C7: variants seen among roughly 807,000 people sequenced by gnomAD.
C7 encodes the protein complement C7, also known as complement component C7.
A neutral mutation model predicts 104.8 loss-of-function variants in C7; 83 were observed. That is an observed-to-expected ratio of 0.79 (90% CI 0.66 to 0.95). C7 has a LOEUF of 0.95. Ranked by LOEUF, C7 falls within the 40% of genes least tolerant of loss-of-function variation. The pLI is 0.00. For missense variants in C7, 1,070 were observed against 1,011.2 expected (o/e 1.06, Z -0.79); for synonymous variants, 415 against 360.6 (o/e 1.15, Z -1.71).
At chr5:40,956,947 T>C (rs776536160) in intron 10 of C7, among the ~76,000 whole-genome samples, 9 of 152,258 alleles carry the variant, frequency 5.9e-5, no homozygotes, top group Non-Finnish European at 1.2e-4. Context: ...TTTAACAGTC[T>C]CCATGTACTT....
At chr5:40,913,348 T>C (rs1702890710) in intron 1 of C7, among the ~76,000 whole-genome samples, 1 of 152,164 alleles carries the variant, frequency 6.6e-6, no homozygotes, top group Admixed American at 6.5e-5. Flanking sequence ...CCGATGGTAG[T>C]TCAATTTTTA....
intron 8 of C7, among the ~76,000 whole-genome samples, chr5:40,948,748 C>A (rs191880861): frequency 6.6e-6 from 1 of 152,220 alleles, no homozygotes; most frequent in Admixed American, 6.5e-5. Context: ...TGTCTTTTAG[C>A]TGATGCCCAC....
At chr5:40,929,997 G>T (rs752039025) in intron 2 of C7, among the ~76,000 whole-genome samples, 4 of 151,930 alleles carry the variant, frequency 2.6e-5, no homozygotes, top group Non-Finnish European at 5.9e-5. Flanking sequence ...ATAAAACCTT[G>T]CTCCTTTCAA....
intron 15 of C7, among the ~76,000 whole-genome samples, chr5:40,976,332 G>A (rs1237780866): frequency 2.0e-5 from 3 of 152,190 alleles, no homozygotes; most frequent in African/African-American, 7.2e-5. Context: ...TTGAAAGGGA[G>A]CCACTTTATT....
At chr5:40,965,843 A>G (rs2111687456) in intron 14 of C7, among the ~76,000 whole-genome samples, 2 of 151,700 alleles carry the variant, frequency 1.3e-5, no homozygotes, top group South Asian at 4.2e-4. Context: ...GGGTTTCACT[A>G]TGTTGGCCAG....
At chr5:40,927,999 G>A (rs1321519245) in intron 1 of C7, among the ~76,000 whole-genome samples, 1 of 152,124 alleles carries the variant, frequency 6.6e-6, no homozygotes, top group Non-Finnish European at 1.5e-5. Flanking sequence ...CCAAGTTATA[G>A]AATCAACCTA....
At chr5:40,973,264 C>A (rs769193329) in intron 15 of C7, among the ~76,000 whole-genome samples, 36 of 152,024 alleles carry the variant, frequency 2.4e-4, no homozygotes, top group Non-Finnish European at 2.9e-4. Flanking sequence ...TTGACAATAA[C>A]CCCTTATTTA....
chr5:40,978,051 T>A (rs929456476), intron 16 of C7, among the ~76,000 whole-genome samples: 8 of 151,346 alleles, frequency 5.3e-5, no homozygotes, highest in African/African-American at 1.9e-4. Flanking sequence ...GGAGGATTGC[T>A]TGAAGCCAGG....
chr5:40,951,141 C>T (rs1740160801), intron 9 of C7, among the ~76,000 whole-genome samples: 1 of 152,180 alleles, frequency 6.6e-6, no homozygotes, highest in Non-Finnish European at 1.5e-5. Context: ...AAAATGTTCA[C>T]TGGATTTGGT....
intron 9 of C7, among the ~76,000 whole-genome samples, chr5:40,954,214 TC>T (rs1488769470): frequency 2.0e-5 from 3 of 152,158 alleles, no homozygotes; most frequent in Admixed American, 2.0e-4. Context: ...TAAACTGTTT[TC>T]CTTCCAATAT....
intron 14 of C7, among the ~76,000 whole-genome samples, chr5:40,966,820 C>T (rs1740565593): frequency 6.6e-6 from 1 of 152,040 alleles, no homozygotes; most frequent in Admixed American, 6.6e-5. Context: ...GTTTCTTTAT[C>T]CACTCATTCA....
At chr5:40,945,701 TA>T (rs1379892385) in intron 7 of C7, among the ~76,000 whole-genome samples, 2 of 151,242 alleles carry the variant, frequency 1.3e-5, no homozygotes, top group South Asian at 4.2e-4. Context: ...CCTGTCTCTA[TA>T]AAAACACAAA....
chr5:40,932,227 T>A (rs1441350390), intron 3 of C7, among the ~76,000 whole-genome samples: 5 of 152,236 alleles, frequency 3.3e-5, no homozygotes, highest in Non-Finnish European at 5.9e-5. Context: ...AAATAATTTA[T>A]AACAGCAGTA....
rs562827377 is a variant in C7, at chr5:40,982,929, A to G, written c.*1356A>G. On this transcript the variant is annotated 3_prime_UTR_variant, in exon 18 of 18. Transcript: ENST00000313164. ...GATTAGAACACTCATTAAAGATGCT[A>G]TTCTTCAGAATTGTTTCATTTGTAT... is the stretch of plus-strand genomic sequence containing the variant. 6 of 152,352 alleles carry G rather than the reference A, an allele frequency of 3.9e-5. No homozygotes were observed. The highest frequency in any genetic ancestry group is 7.2e-5 in the African/African-American group (3 of 41,460). 9.4% of individuals were successfully genotyped at this position (152,352 alleles called of 1,614,324 possible).
At chr5:40,965,808 AT>A (rs926942680) in intron 14 of C7, among the ~76,000 whole-genome samples, 2 of 151,494 alleles carry the variant, frequency 1.3e-5, no homozygotes, top group African/African-American at 2.4e-5. Flanking sequence ...CACTCTGCTA[AT>A]TTTTTGTATT....
intron 10 of C7, among the ~76,000 whole-genome samples, chr5:40,957,790 A>C (rs183338968): frequency 6.9e-6 from 1 of 144,318 alleles, no homozygotes; most frequent in African/African-American, 2.7e-5. Context: ...TTTAAATCTT[A>C]CGCATGCACA....
intron 1 of C7, among the ~76,000 whole-genome samples, chr5:40,909,974 A>ATTTTT (rs1259880340): frequency 8.0e-6 from 1 of 124,660 alleles, no homozygotes; most frequent in African/African-American, 3.0e-5. Context: ...CCTCTGGTGT[A>ATTTTT]TTTTTTTTTT....
chr5:40,935,300 A>T (rs1229406142), intron 4 of C7, among the ~76,000 whole-genome samples: 1 of 152,170 alleles, frequency 6.6e-6, no homozygotes, highest in African/African-American at 2.4e-5. Flanking sequence ...CTCTTGGTGA[A>T]CTGTGAACTC....
chr5:40,932,586 G>A (rs1293322756), intron 3 of C7, among the ~76,000 whole-genome samples: 1 of 152,092 alleles, frequency 6.6e-6, no homozygotes, highest in African/African-American at 2.4e-5. Context: ...ACCTACATGA[G>A]TAGTATTTTC....
Sources: gnomAD v4.1 joint callset for allele counts (sites outside exome capture counted in the v4.1 genomes callset) on GRCh38, gnomAD v4.1.1 for gene constraint, MANE v1.5 for transcripts, NCBI Gene and HGNC (gene_info 2026-07-23, HGNC 2026-07-21) for gene names.